Variants in PCSK2 observed in about 807,000 individuals in gnomAD.
The protein encoded by PCSK2 is neuroendocrine convertase 2.
A neutral mutation model predicts 69.7 loss-of-function variants in PCSK2; 14 were observed. The ratio of observed to expected loss-of-function variants is 0.20; its 90% CI spans 0.13 to 0.31. The LOEUF (loss-of-function observed/expected upper bound fraction) is 0.31. Ranked by LOEUF, PCSK2 falls within the 10% of genes least tolerant of loss-of-function variation. The pLI is 1.00. For missense variants in PCSK2, 544 were observed against 842.5 expected (o/e 0.65, Z 4.39); for synonymous variants, 307 against 320.7 (o/e 0.96, Z 0.46).
At chr20:17,313,344 T>G (rs2123115640) in intron 2 of PCSK2, among the ~76,000 whole-genome samples, 1 of 152,082 alleles carries the variant, frequency 6.6e-6, no homozygotes, top group Non-Finnish European at 1.5e-5. Context: ...TCCTCAGATT[T>G]TATAAAACTC....
chr20:17,480,188 T>C (rs1346928357), intron 11 of PCSK2, among the ~76,000 whole-genome samples: 6 of 100,306 alleles, frequency 6.0e-5, no homozygotes, highest in Admixed American at 2.2e-4. Context: ...GCTTTTCTTT[T>C]TTTTTTTTTT....
chr20:17,292,400 A>C (rs1448302091), intron 2 of PCSK2, among the ~76,000 whole-genome samples: 2 of 152,218 alleles, frequency 1.3e-5, no homozygotes, highest in African/African-American at 4.8e-5. Context: ...CAAAAGTATT[A>C]GGCAAATTAA....
At chr20:17,309,549 G>A (rs1319560301) in intron 2 of PCSK2, among the ~76,000 whole-genome samples, 9 of 152,272 alleles carry the variant, frequency 5.9e-5, no homozygotes, top group South Asian at 4.1e-4. Flanking sequence ...TGGGCATGGC[G>A]GCTCATGCCT....
At chr20:17,435,196 G>GA (rs1310951057) in intron 7 of PCSK2, among the ~76,000 whole-genome samples, 1 of 152,094 alleles carries the variant, frequency 6.6e-6, no homozygotes, top group African/African-American at 2.4e-5. Context: ...GTGTTGGGGA[G>GA]AAAATCAACT....
intron 7 of PCSK2, among the ~76,000 whole-genome samples, chr20:17,436,220 C>G (rs976979092): frequency 6.6e-6 from 1 of 152,154 alleles, no homozygotes; most frequent in Admixed American, 6.5e-5. Flanking sequence ...TGACCCCACC[C>G]GCTCCTGCAC....
At chr20:17,270,291 C>T (rs540768568) in intron 2 of PCSK2, among the ~76,000 whole-genome samples, 1 of 152,180 alleles carries the variant, frequency 6.6e-6, no homozygotes, top group South Asian at 2.1e-4. Flanking sequence ...TGTTTGTGAT[C>T]ACATCTCTTT....
At chr20:17,416,154 C>A (rs2123315458) in intron 6 of PCSK2, among the ~76,000 whole-genome samples, 1 of 152,270 alleles carries the variant, frequency 6.6e-6, no homozygotes, top group East Asian at 1.9e-4. Context: ...GCAATGGCAA[C>A]AAAAGCCAAA....
chr20:17,335,427 T>TTGTGTGTGTG (rs56275148), intron 2 of PCSK2, among the ~76,000 whole-genome samples: 29,333 of 139,010 alleles, frequency 0.21, 3,297 homozygotes, highest in Middle Eastern at 0.33. Flanking sequence ...CAGCATCACT[T>TTGTGTGTGTG]TGTGTGTGTG....
chr20:17,398,435 G>C lies in PCSK2; in HGVS notation c.544-10828G>C, dbSNP rs191967909. The stretch of plus-strand genomic sequence containing the variant: ...GCTACTCTGGAGACTGAGGTGGGAA[G>C]ATCACTTGAGCCCAGGAGTTGGAGG... On this transcript the variant is annotated intron_variant, in intron 5 of 11. Coordinates refer to ENST00000262545, the MANE Select transcript of PCSK2 (RefSeq NM_002594.5). Among the ~76,000 whole-genome samples, 688 of 147,020 alleles carry C rather than the reference G, an allele frequency of 4.7e-3. 5 individuals carry two copies. The highest frequency in any genetic ancestry group is 0.016 in the African/African-American group (644 of 39,564).
intron 2 of PCSK2, among the ~76,000 whole-genome samples, chr20:17,324,556 G>T (rs191202724): frequency 6.6e-6 from 1 of 152,052 alleles, no homozygotes; most frequent in African/African-American, 2.4e-5. Context: ...AAGAACCATC[G>T]ACTTAGGACA....
At position 17,482,143 on chromosome 20, in the gene PCSK2, G is replaced by A; in HGVS notation, c.*73G>A. The A allele has an allele frequency of 7.1e-7, 1 of 1,417,284 alleles. No homozygotes were observed. Among genetic ancestry groups the A allele is most frequent in the Non-Finnish European group, 9.4e-7 (1 of 1,065,394 alleles). 87.8% of individuals were successfully genotyped at this position (1,417,284 alleles called of 1,614,324 possible). ...CTGTCCTCGCTCCACGTTTCAGGCAGGCACCTAGCAATTCCATCACCCGTA... is the reference window on the plus strand; with the variant it reads ...CTGTCCTCGCTCCACGTTTCAGGCAAGCACCTAGCAATTCCATCACCCGTA... On this transcript the variant is annotated 3_prime_UTR_variant, in exon 12 of 12. Transcript: ENST00000262545.
intron 2 of PCSK2, among the ~76,000 whole-genome samples, chr20:17,349,927 G>C (rs34473304): frequency 0.18 from 26,741 of 151,988 alleles, 2,717 homozygotes; most frequent in Non-Finnish European, 0.24. Context: ...ACCTTCCCAG[G>C]TGATTGCACT....
chr20:17,380,364 C>T (rs1164679767), intron 5 of PCSK2, among the ~76,000 whole-genome samples: 2 of 152,152 alleles, frequency 1.3e-5, no homozygotes, highest in Admixed American at 6.5e-5. Flanking sequence ...CCTATTGCCA[C>T]ATGGGGCCCT....
At chr20:17,479,187 G>C (rs967654079) in intron 11 of PCSK2, 16 of 1,382,102 alleles carry the variant, frequency 1.2e-5, no homozygotes, top group Non-Finnish European at 1.5e-5. Flanking sequence ...AAAAACAGGA[G>C]CTGCTGTGCG....
At chr20:17,311,798 G>A (rs1239649385) in intron 2 of PCSK2, among the ~76,000 whole-genome samples, 1 of 152,064 alleles carries the variant, frequency 6.6e-6, no homozygotes, top group South Asian at 2.1e-4. Flanking sequence ...AACAATGGCT[G>A]CAAACTTGAT....
chr20:17,475,209 T>C (rs554330721), intron 11 of PCSK2, among the ~76,000 whole-genome samples: 2 of 151,658 alleles, frequency 1.3e-5, no homozygotes, highest in South Asian at 2.1e-4. Context: ...GGCAGGAGCA[T>C]TGGTTTTATG....
intron 2 of PCSK2, among the ~76,000 whole-genome samples, chr20:17,348,089 AAGAAAGAAAGAAAGAAAAG>A (rs1990747020): frequency 6.7e-6 from 1 of 149,998 alleles, no homozygotes; most frequent in South Asian, 2.1e-4. Flanking sequence ...GAAAGAAAGA[AAGAAAGAAAGAAAGAAAAG>A]AAAAGAAAGA....
intron 4 of PCSK2, among the ~76,000 whole-genome samples, chr20:17,366,638 C>G (rs1168408784): frequency 6.6e-6 from 1 of 152,210 alleles, no homozygotes; most frequent in African/African-American, 2.4e-5. Flanking sequence ...AAAGTACTAT[C>G]TAGTTACCAA....
chr20:17,433,483 G>T (rs2032408777), intron 7 of PCSK2, among the ~76,000 whole-genome samples: 2 of 152,228 alleles, frequency 1.3e-5, no homozygotes, highest in African/African-American at 2.4e-5. Context: ...TTTACTGGAG[G>T]CAGGGACAGG....
Sources: gnomAD v4.1 joint callset for allele counts (sites outside exome capture counted in the v4.1 genomes callset) on GRCh38, gnomAD v4.1.1 for gene constraint, MANE v1.5 for transcripts, NCBI Gene and HGNC (gene_info 2026-07-23, HGNC 2026-07-21) for gene names.